Variants in PCDHGA4 observed in about 807,000 individuals in gnomAD.
PCDHGA4 encodes protocadherin gamma-A4.
A neutral mutation model predicts 54.6 loss-of-function variants in PCDHGA4; 38 were observed. The ratio of observed to expected loss-of-function variants is 0.70; its 90% CI spans 0.54 to 0.91. The LOEUF is 0.91. Among genes scored for constraint, PCDHGA4 ranks in the 40% least tolerant of loss-of-function variants. PCDHGA4 has a pLI of 0.00. For synonymous variants in PCDHGA4, 511 were observed against 512.9 expected (o/e 1.00, Z 0.05); for missense variants, 1,298 against 1,220.9 (o/e 1.06, Z -0.94).
At position 141,454,263 on chromosome 5, in the gene PCDHGA4, T is replaced by C. The variant is rs954231508; in HGVS notation, c.2515-40544T>C. Among the ~76,000 whole-genome samples, 42 of 152,140 alleles carry C rather than the reference T, an allele frequency of 2.8e-4. 1 individual carries two copies. Among genetic ancestry groups the C allele is most frequent in the South Asian group, 1.0e-3 (5 of 4,826 alleles). On this transcript the variant is annotated intron_variant, in intron 1 of 3. Coordinates refer to ENST00000571252, the MANE Select transcript of PCDHGA4 (RefSeq NM_018917.4). Reference sequence around the variant, plus strand: ...GATGAAGATGTCCCAGAGAAAGTAATGCCAGCAAAAACTTCACATTAAAGG... The same window carrying C: ...GATGAAGATGTCCCAGAGAAAGTAACGCCAGCAAAAACTTCACATTAAAGG...
At position 141,511,146 on chromosome 5, in the gene PCDHGA4, G is replaced by T; in HGVS notation, c.2862G>T (p.Lys954Asn). 1 of 1,614,208 alleles carries T rather than the reference G, an allele frequency of 6.2e-7. No individual in the cohort carries two copies. Among genetic ancestry groups the T allele is most frequent in the Non-Finnish European group, 8.5e-7 (1 of 1,180,018 alleles). The change falls in exon 4 of 4, where the codon AAG becomes AAT. Residue 954 changes from lysine to asparagine, a missense_variant. Lys to Asn is a moderately conservative substitution (Grantham distance 94). Coordinates refer to ENST00000571252, the MANE Select transcript of PCDHGA4 (RefSeq NM_018917.4). Reference protein sequence around the residue: ...KAPAGGNGNKKKSGKKEKK With the variant: ...KAPAGGNGNKNKSGKKEKK The stretch of plus-strand genomic sequence containing the variant: ...CAGCAGGTGGCAATGGCAACAAGAA[G>T]AAGTCGGGCAAGAAGGAGAAGAAGT...
At position 141,485,287 on chromosome 5, in the gene PCDHGA4, G is replaced by A. The variant is rs1396496143; in HGVS notation, c.2515-9520G>A. 5.0e-6 allele frequency: 8 copies of A among 1,614,064 alleles called. No individual in the cohort carries two copies. The highest frequency in any genetic ancestry group is 6.8e-6 in the Non-Finnish European group (8 of 1,180,002). On this transcript the variant is annotated intron_variant, in intron 1 of 3. Transcript: ENST00000571252. The surrounding 1 kb of genome is among the most constrained non-coding windows in gnomAD (Gnocchi z 5.7). ...AGATCCGCTACCCGGTCCCAGAGGA[G>A]TCACAGGAAGGGACTTTTGTAGGGA...
chr5:141,361,015 T>C (rs374836690), intron 1 of PCDHGA4: 72 of 1,613,142 alleles, frequency 4.5e-5, no homozygotes, highest in Non-Finnish European at 6.0e-5. Flanking sequence ...CTTTTTCAAC[T>C]TAAATGAAAA....
chr5:141,385,482 A>G, intron 1 of PCDHGA4: 3 of 1,423,440 alleles, frequency 2.1e-6, no homozygotes, highest in South Asian at 1.6e-5. Context: ...TTTAATATAG[A>G]ACACATAGGA....
intron 1 of PCDHGA4, chr5:141,421,426 A>T: frequency 1.2e-6 from 2 of 1,614,104 alleles, no homozygotes; most frequent in Non-Finnish European, 8.5e-7. Flanking sequence ...CGGAGTCCGC[A>T]TCGTCTCCAG....
chr5:141,431,215 CCCTCTACCCCACG>C lies in PCDHGA4; in HGVS notation c.2515-63588_2515-63576del. The C allele has an allele frequency of 6.2e-7, 1 of 1,614,184 alleles. No homozygotes were observed. Among genetic ancestry groups the C allele is most frequent in the Non-Finnish European group, 8.5e-7 (1 of 1,180,048 alleles). On this transcript the variant is annotated intron_variant, in intron 1 of 3. Transcript: ENST00000571252. The surrounding 1 kb of genome is among the most constrained non-coding windows in gnomAD (Gnocchi z 4.8). ...AAAATGCAGCCACTGAGATGCGGTT[CCCTCTACCCCACG>C]CCTGGGATCCGGATATCGGGAAGAA... is the stretch of plus-strand genomic sequence containing the variant.
chr5:141,415,506 C>G, intron 1 of PCDHGA4: 1 of 1,614,148 alleles, frequency 6.2e-7, no homozygotes, highest in Non-Finnish European at 8.5e-7. Flanking sequence ...TCCCCCAGCC[C>G]AATTATGCGG....
intron 1 of PCDHGA4, among the ~76,000 whole-genome samples, chr5:141,468,064 C>T (rs1026571562): frequency 3.3e-5 from 5 of 152,076 alleles, no homozygotes; most frequent in Non-Finnish European, 7.4e-5. Flanking sequence ...GTGGCTCACA[C>T]CTGTAATCCC....
rs1300447228 is a variant in PCDHGA4 at position 141,357,345 on chromosome 5, G to A, written c.2238G>A (p.Lys746=). The A allele has an allele frequency of 6.2e-7, 1 of 1,613,990 alleles. No homozygotes were observed. The change falls in exon 1 of 4, where the codon AAG becomes AAA. Residue 746 remains lysine (K), a synonymous_variant. Transcript: ENST00000571252. ...TTGTCACGGTGCTGCTAGCACTCAAGCTGAGACGCTGGCACAAGTCACGCC... is the reference window on the plus strand; with the variant it reads ...TTGTCACGGTGCTGCTAGCACTCAAACTGAGACGCTGGCACAAGTCACGCC... ...LAFVTVLLAL[K]LRRWHKSRLL... is the part of the protein sequence containing the mutation.
At position 141,356,772 on chromosome 5, in the gene PCDHGA4, G is replaced by T; in HGVS notation, c.1665G>T (p.Gln555His). 6.2e-7 allele frequency: 1 copy of T among 1,614,022 alleles called. No individual in the cohort carries two copies. The highest frequency in any genetic ancestry group is 8.5e-7 in the Non-Finnish European group (1 of 1,179,886). Residue 555 changes from glutamine to histidine, a missense_variant, in exon 1 of 4, where the codon CAG (glutamine) becomes CAT (histidine). Gln to His is a conservative substitution (Grantham distance 24, BLOSUM62 0). Transcript: ENST00000571252. ...LYALCSFDYEQFRDLQLLMTA... is the reference protein window; with the variant it reads ...LYALCSFDYEHFRDLQLLMTA... The stretch of plus-strand genomic sequence containing the variant: ...CTCTTTGCTCCTTCGACTATGAGCA[G>T]TTTAGAGACCTGCAGCTGCTGATGA...
intron 1 of PCDHGA4, among the ~76,000 whole-genome samples, chr5:141,382,119 C>T (rs919282723): frequency 2.0e-5 from 3 of 152,112 alleles, no homozygotes; most frequent in Non-Finnish European, 4.4e-5. Flanking sequence ...TGAGCAACAG[C>T]ACCTGGCCCC....
At chr5:141,449,264 C>CTG (rs2098633558) in intron 1 of PCDHGA4, among the ~76,000 whole-genome samples, 1 of 152,056 alleles carries the variant, frequency 6.6e-6, no homozygotes, top group African/African-American at 2.4e-5. Context: ...GTACAAAGAA[C>CTG]TGTATCTCCT....
chr5:141,381,965 G>A (rs571350764), intron 1 of PCDHGA4, among the ~76,000 whole-genome samples: 2 of 151,078 alleles, frequency 1.3e-5, no homozygotes, highest in Admixed American at 1.3e-4. Context: ...GAGTAGCTGG[G>A]ATTACAGGCG....
At chr5:141,446,718 C>G (rs1279970040) in intron 1 of PCDHGA4, among the ~76,000 whole-genome samples, 1 of 152,174 alleles carries the variant, frequency 6.6e-6, no homozygotes, top group Non-Finnish European at 1.5e-5. Flanking sequence ...CTGCCCGCCT[C>G]GGCCTCCCAA....
At chr5:141,393,730 G>A in intron 1 of PCDHGA4, 1 of 1,613,842 alleles carries the variant, frequency 6.2e-7, no homozygotes, top group Non-Finnish European at 8.5e-7. Context: ...ATAGCAAAAA[G>A]TCTAGATTAT....
In PCDHGA4 at chr5:141,423,110, G is replaced by A. The variant is rs62621243; in HGVS notation, c.2514+65489G>A. On this transcript the variant is annotated intron_variant, in intron 1 of 3. Coordinates refer to ENST00000571252, the MANE Select transcript of PCDHGA4 (RefSeq NM_018917.4). ...GTGGGGGAGCACACGGGCGAGGTGC[G>A]TACAGCGCGGGCACTGCTGGACAGA... The A allele has an allele frequency of 0.016, 25,324 of 1,613,842 alleles. 257 individuals carry two copies. Among genetic ancestry groups the A allele is most frequent in the Non-Finnish European group, 0.019 (22,060 of 1,179,980 alleles).
chr5:141,375,114 T>G, intron 1 of PCDHGA4: 1 of 1,613,970 alleles, frequency 6.2e-7, no homozygotes, highest in African/African-American at 1.3e-5. Context: ...AATGATAATG[T>G]ACCAGAAGTG....
chr5:141,431,460 A>C lies in PCDHGA4; in HGVS notation c.2515-63347A>C, dbSNP rs761879594. On this transcript the variant is annotated intron_variant, in intron 1 of 3. Coordinates refer to ENST00000571252, the MANE Select transcript of PCDHGA4 (RefSeq NM_018917.4). This position sits in a 1 kb window ranked among gnomAD's most constrained non-coding sequence, Gnocchi z 4.8. ...GCGCGCATCCGCGTGATGGTTCTGGATGCGAACGACAACGCACCAGCGTTT... is the reference window on the plus strand; with the variant it reads ...GCGCGCATCCGCGTGATGGTTCTGGCTGCGAACGACAACGCACCAGCGTTT... 8.1e-6 allele frequency: 13 copies of C among 1,613,676 alleles called. No individual in the cohort carries two copies. The highest frequency in any genetic ancestry group is 1.1e-5 in the Non-Finnish European group (13 of 1,179,984).
At position 141,476,638 on chromosome 5, in the gene PCDHGA4, G is replaced by A. The variant is rs997136356; in HGVS notation, c.2515-18169G>A. On this transcript the variant is annotated intron_variant, in intron 1 of 3. Transcript: ENST00000571252. This position sits in a 1 kb window ranked among gnomAD's most constrained non-coding sequence, Gnocchi z 7.6. ...GCAACTCTTTACAAACCTATGAGCT[G>A]AGCCGAAATGAATACTTTGCGCTTC... 1.9e-6 allele frequency: 3 copies of A among 1,614,268 alleles called. No homozygotes were observed. Among genetic ancestry groups the A allele is most frequent in the Middle Eastern group, 1.6e-4 (1 of 6,062 alleles).
Sources: gnomAD v4.1 joint callset for allele counts (sites outside exome capture counted in the v4.1 genomes callset) on GRCh38, gnomAD v4.1.1 for gene constraint, Gnocchi (gnomAD v3.1) non-coding constraint, MANE v1.5 for transcripts, NCBI Gene and HGNC (gene_info 2026-07-23, HGNC 2026-07-21) for gene names.